Variants in PTPRG observed in about 807,000 individuals in gnomAD.
The protein encoded by PTPRG is protein tyrosine phosphatase receptor type G.
PTPRG carries 102 observed loss-of-function variants against 165.3 expected under a neutral mutation model. The observed-to-expected ratio is 0.62, with a 90% CI of 0.53 to 0.73. The LOEUF is 0.73. Ranked by LOEUF, PTPRG falls within the 30% of genes least tolerant of loss-of-function variation. The probability of loss-of-function intolerance (pLI) is 0.00; values close to 1 mark genes in which losing one functional copy is unlikely to be tolerated. For missense variants in PTPRG, 1,866 were observed against 1,861.4 expected (o/e 1.00, Z -0.05); for synonymous variants, 675 against 669.5 (o/e 1.01, Z -0.13).
intron 2 of PTPRG, among the ~76,000 whole-genome samples, chr3:61,852,829 G>A (rs1031203527): frequency 6.6e-6 from 1 of 152,148 alleles, no homozygotes; most frequent in Non-Finnish European, 1.5e-5. Flanking sequence ...GTTTCCAGGG[G>A]CCTATTTTAG....
intron 4 of PTPRG, among the ~76,000 whole-genome samples, chr3:62,068,361 G>A (rs1286108129): frequency 6.6e-6 from 1 of 152,098 alleles, no homozygotes; most frequent in Non-Finnish European, 1.5e-5. Flanking sequence ...ACTGGAACTT[G>A]CTCCGTCAAG....
intron 10 of PTPRG, among the ~76,000 whole-genome samples, chr3:62,196,908 C>T (rs1378515317): frequency 6.6e-6 from 1 of 152,214 alleles, no homozygotes; most frequent in African/African-American, 2.4e-5. Context: ...GCAGCAGCAA[C>T]TGCAAGATCT....
intron 4 of PTPRG, among the ~76,000 whole-genome samples, chr3:62,056,522 G>C (rs534730585): frequency 2.6e-5 from 4 of 152,056 alleles, no homozygotes; most frequent in Non-Finnish European, 4.4e-5. Flanking sequence ...GGACACCCCT[G>C]GTCTAAATAC....
chr3:61,806,031 A>G (rs1228323468), intron 2 of PTPRG, among the ~76,000 whole-genome samples: 3 of 152,124 alleles, frequency 2.0e-5, no homozygotes, highest in African/African-American at 4.8e-5. Context: ...ATGGTGACCT[A>G]ATTTGGTGGG....
intron 3 of PTPRG, among the ~76,000 whole-genome samples, chr3:61,993,933 C>T (rs945100274): frequency 2.6e-5 from 4 of 152,210 alleles, no homozygotes; most frequent in Non-Finnish European, 5.9e-5. Context: ...ATGTTCAGAT[C>T]TGTCTTAATC....
chr3:61,716,894 C>G (rs1202837066), intron 1 of PTPRG, among the ~76,000 whole-genome samples: 1 of 152,128 alleles, frequency 6.6e-6, no homozygotes, highest in Non-Finnish European at 1.5e-5. Flanking sequence ...ATCACTTGAA[C>G]CTGGGCGGCA....
chr3:61,757,323 C>G (rs942122182), intron 2 of PTPRG, among the ~76,000 whole-genome samples: 1 of 151,448 alleles, frequency 6.6e-6, no homozygotes, highest in Non-Finnish European at 1.5e-5. Context: ...TTTCTTCTAC[C>G]AGTAGATTCA....
chr3:62,123,641 CATGA>C (rs1348641292), intron 5 of PTPRG, among the ~76,000 whole-genome samples: 3 of 152,024 alleles, frequency 2.0e-5, no homozygotes, highest in Non-Finnish European at 4.4e-5. Flanking sequence ...AAAAGTTTAT[CATGA>C]ATAAGTACAT....
rs1290713393 is a variant in PTPRG, at chr3:62,003,337, T to G, written c.371-12T>G. ...CACTTTGTTTTCCTCTCTTCTCATT[T>G]GTTTCACACAGTCGCCATCCTTCTG... On this transcript the variant is annotated splice_polypyrimidine_tract_variant and intron_variant, in intron 3 of 29. Transcript: ENST00000474889. 4.4e-6 allele frequency: 7 copies of G among 1,604,680 alleles called. No homozygotes were observed. Among genetic ancestry groups the G allele is most frequent in the Non-Finnish European group, 5.9e-6 (7 of 1,176,950 alleles).
At chr3:61,727,046 CA>C (rs35873334) in intron 1 of PTPRG, among the ~76,000 whole-genome samples, 6,893 of 105,720 alleles carry the variant, frequency 0.065, 258 homozygotes, top group African/African-American at 0.15. Context: ...GACTCCGTCT[CA>C]AAAAAAAAAA....
Position 62,003,431 on chromosome 3 carries a change from C to T in PTPRG, c.453C>T (p.His151=). 1 of 1,614,016 alleles carries T rather than the reference C, an allele frequency of 6.2e-7. No individual in the cohort carries two copies. Among genetic ancestry groups the T allele is most frequent in the Non-Finnish European group, 8.5e-7 (1 of 1,179,952 alleles). ...TCAAAGCTGAGAAGGTGGAATTTCA[C>T]TGGGGCCACAGCAATGGCTCAGCGG... ...GRFKAEKVEF[H]WGHSNGSAGS... is the part of the protein sequence containing the mutation. The change falls in exon 4 of 30, where the codon CAC becomes CAT. Residue 151 remains histidine, a synonymous_variant. Coordinates refer to ENST00000474889, the MANE Select transcript of PTPRG (RefSeq NM_002841.4).
At chr3:61,794,389 A>T (rs2034987176) in intron 2 of PTPRG, among the ~76,000 whole-genome samples, 1 of 152,088 alleles carries the variant, frequency 6.6e-6, no homozygotes, top group South Asian at 2.1e-4. Context: ...ATTTTCTGGC[A>T]TTTGGCTCTC....
intron 2 of PTPRG, among the ~76,000 whole-genome samples, chr3:61,829,240 G>A (rs112880640): frequency 2.0e-4 from 30 of 152,330 alleles, no homozygotes; most frequent in Non-Finnish European, 4.1e-4. Flanking sequence ...AGAGAGCCTC[G>A]CTGAGCCCTC....
At chr3:61,868,657 T>G (rs2037476801) in intron 2 of PTPRG, among the ~76,000 whole-genome samples, 1 of 152,178 alleles carries the variant, frequency 6.6e-6, no homozygotes, top group Non-Finnish European at 1.5e-5. Flanking sequence ...TAGGGTAATT[T>G]GTTACAGAAA....
chr3:61,964,951 A>G (rs375829273), intron 2 of PTPRG, among the ~76,000 whole-genome samples: 3 of 152,070 alleles, frequency 2.0e-5, no homozygotes, highest in African/African-American at 7.2e-5. Context: ...GTAGTTAGTA[A>G]AGAATCCGGG....
chr3:61,637,888 A>G (rs1293858177), intron 1 of PTPRG, among the ~76,000 whole-genome samples: 1 of 151,786 alleles, frequency 6.6e-6, no homozygotes, highest in African/African-American at 2.4e-5. Flanking sequence ...GAGCATAGCC[A>G]TCTTACCATT....
At chr3:62,071,987 C>T (rs1256041414) in intron 4 of PTPRG, among the ~76,000 whole-genome samples, 2 of 152,122 alleles carry the variant, frequency 1.3e-5, no homozygotes, top group African/African-American at 4.8e-5. Context: ...AGATTTGTTG[C>T]TTTCTATTCA....
intron 1 of PTPRG, among the ~76,000 whole-genome samples, chr3:61,596,787 T>G (rs1243946957): frequency 1.3e-5 from 2 of 152,118 alleles, no homozygotes; most frequent in African/African-American, 4.8e-5. Flanking sequence ...AGTTTATTAT[T>G]ATTATTATTA....
In PTPRG at chr3:62,281,551, TG is replaced by T; in HGVS notation, c.3766-10del. The T allele has an allele frequency of 6.8e-7, 1 of 1,466,120 alleles. No individual in the cohort carries two copies. The allele number at this position is 1,466,120 out of a possible 1,614,324, so 90.8% of individuals were successfully genotyped here. On this transcript the variant is annotated splice_polypyrimidine_tract_variant and intron_variant, in intron 26 of 29. Coordinates refer to ENST00000474889, the MANE Select transcript of PTPRG (RefSeq NM_002841.4). ...GAACTGCAGAGGCTTTTTTTTTTTT[TG>T]GATTCCAAAGGCAGAAGATGAGTTT...
Sources: allele counts gnomAD v4.1 joint callset (sites outside exome capture counted in the v4.1 genomes callset), GRCh38; gene constraint gnomAD v4.1.1; transcripts MANE v1.5; gene names NCBI Gene and HGNC (gene_info 2026-07-23, HGNC 2026-07-21).